Variants in PHTF2 observed in about 807,000 individuals in gnomAD.
The protein encoded by PHTF2 is putative homeodomain transcription factor 2, also known as protein PHTF2.
PHTF2 carries 60 observed loss-of-function variants against 101.2 expected under a neutral mutation model. That is an observed-to-expected ratio of 0.59 (90% CI 0.48 to 0.73). The LOEUF (loss-of-function observed/expected upper bound fraction) is 0.73. Ranked by LOEUF, PHTF2 falls within the 30% of genes least tolerant of loss-of-function variation. PHTF2 has a pLI of 0.00. For synonymous variants in PHTF2, 311 were observed against 307.3 expected (o/e 1.01, Z -0.13); for missense variants, 747 against 908.7 (o/e 0.82, Z 2.29).
At chr7:77,893,395 T>A in intron 3 of PHTF2, among the ~76,000 whole-genome samples, 1 of 152,146 alleles carries the variant, frequency 6.6e-6, no homozygotes, top group Non-Finnish European at 1.5e-5. Flanking sequence ...AGTTTGCATT[T>A]CTAACAAATT....
Position 77,840,303 on chromosome 7 carries a change from A to G in PHTF2, c.45+3A>G. 1 of 1,590,426 alleles carries G rather than the reference A, an allele frequency of 6.3e-7. No homozygotes were observed. Among genetic ancestry groups the G allele is most frequent in the Non-Finnish European group, 8.6e-7 (1 of 1,159,314 alleles). Reference sequence around the variant, plus strand: ...CTATAGTCTGGTATCAAAAGAAGGTAAGTTGATAGTCAAAACTTTTAGCTT... The same window carrying G: ...CTATAGTCTGGTATCAAAAGAAGGTGAGTTGATAGTCAAAACTTTTAGCTT... On this transcript the variant is annotated splice_donor_region_variant and intron_variant, in intron 2 of 19. Transcript: ENST00000416283.
At chr7:77,902,264 G>A (rs1054810017) in intron 7 of PHTF2, among the ~76,000 whole-genome samples, 1 of 151,970 alleles carries the variant, frequency 6.6e-6, no homozygotes, top group African/African-American at 2.4e-5. Flanking sequence ...CCTGCCATAG[G>A]TATAGTTTCT....
chr7:77,934,778 C>T (rs976503272), intron 12 of PHTF2, among the ~76,000 whole-genome samples: 5 of 151,980 alleles, frequency 3.3e-5, no homozygotes, highest in African/African-American at 1.2e-4. Flanking sequence ...GAAACTCCAT[C>T]TCTATTAAAA....
intron 8 of PHTF2, 76 bp downstream of exon 7, chr7:77,909,034 C>A: frequency 2.3e-6 from 2 of 865,174 alleles, no homozygotes; most frequent in Non-Finnish European, 3.4e-6. Context: ...CTCCTCTTAC[C>A]TTCATAGACT....
chr7:77,849,234 C>T (rs1449763279), intron 2 of PHTF2, among the ~76,000 whole-genome samples: 1 of 152,006 alleles, frequency 6.6e-6, no homozygotes, highest in Non-Finnish European at 1.5e-5. Context: ...AGTGATTCTC[C>T]TGCCTCAGCC....
chr7:77,819,895 T>C (rs1243598892), intron 1 of PHTF2, among the ~76,000 whole-genome samples: 1 of 152,194 alleles, frequency 6.6e-6, no homozygotes, highest in Admixed American at 6.5e-5. Context: ...CTTTTTGTTT[T>C]GTTTTGTTTT....
intron 1 of PHTF2, among the ~76,000 whole-genome samples, chr7:77,832,155 A>G (rs867854558): frequency 2.6e-5 from 4 of 152,142 alleles, no homozygotes; most frequent in Admixed American, 1.3e-4. Context: ...TCAGCTTGTC[A>G]CTTCAGGGGA....
chr7:77,829,966 G>A (rs1794956747), intron 1 of PHTF2, among the ~76,000 whole-genome samples: 2 of 152,162 alleles, frequency 1.3e-5, no homozygotes, highest in African/African-American at 4.8e-5. Flanking sequence ...CATGTTGGGG[G>A]AGTACAGGAG....
chr7:77,927,147 G>A (rs1461079245), intron 11 of PHTF2, among the ~76,000 whole-genome samples: 1 of 95,170 alleles, frequency 1.1e-5, no homozygotes, highest in African/African-American at 4.0e-5. Flanking sequence ...GACAGAGTGA[G>A]ACTCCATCTC....
intron 3 of PHTF2, among the ~76,000 whole-genome samples, chr7:77,855,454 G>A (rs1797099827): frequency 6.6e-6 from 1 of 152,176 alleles, no homozygotes; most frequent in African/African-American, 2.4e-5. Context: ...GAGAAGGAGT[G>A]GTGCAAGCAT....
intron 3 of PHTF2, among the ~76,000 whole-genome samples, chr7:77,888,115 T>A (rs971405604): frequency 6.6e-6 from 1 of 152,170 alleles, no homozygotes; most frequent in Non-Finnish European, 1.5e-5. Flanking sequence ...TTTCAAAATG[T>A]TAGGTACTTT....
At chr7:77,951,298 T>TA (rs1361087802) in intron 17 of PHTF2, among the ~76,000 whole-genome samples, 1 of 152,152 alleles carries the variant, frequency 6.6e-6, no homozygotes, top group East Asian at 1.9e-4. Flanking sequence ...AAAGAAAAAT[T>TA]ATAAACTATT....
intron 1 of PHTF2, among the ~76,000 whole-genome samples, chr7:77,807,346 C>T (rs974600922): frequency 6.6e-6 from 1 of 151,770 alleles, no homozygotes; most frequent in Admixed American, 6.6e-5. Flanking sequence ...CCAGTTGTTC[C>T]ACATCTTCAT....
intron 3 of PHTF2, among the ~76,000 whole-genome samples, chr7:77,862,988 A>G (rs1351769935): frequency 6.6e-6 from 1 of 152,192 alleles, no homozygotes; most frequent in Non-Finnish European, 1.5e-5. Context: ...CTAATGGACC[A>G]TAGAGTTTAT....
intron 2 of PHTF2, among the ~76,000 whole-genome samples, chr7:77,840,555 C>T (rs1795788148): frequency 6.6e-6 from 1 of 152,044 alleles, no homozygotes; most frequent in Non-Finnish European, 1.5e-5. Flanking sequence ...ATAAAATTAG[C>T]ATTTTATAAA....
intron 3 of PHTF2, among the ~76,000 whole-genome samples, chr7:77,861,439 C>T (rs1338521576): frequency 6.6e-6 from 1 of 151,908 alleles, no homozygotes; most frequent in Non-Finnish European, 1.5e-5. Context: ...ATCAAATTTT[C>T]TTTTACTTTT....
At chr7:77,844,649 C>A (rs1796136410) in intron 2 of PHTF2, among the ~76,000 whole-genome samples, 1 of 152,150 alleles carries the variant, frequency 6.6e-6, no homozygotes, top group African/African-American at 2.4e-5. Context: ...CTCAGCCTCC[C>A]CAGTAGCTGG....
intron 3 of PHTF2, among the ~76,000 whole-genome samples, chr7:77,891,665 C>T (rs1800426812): frequency 6.6e-6 from 1 of 152,074 alleles, no homozygotes; most frequent in Non-Finnish European, 1.5e-5. Flanking sequence ...TGGCTCACTG[C>T]AGCCTCAACC....
At chr7:77,859,695 C>A (rs555276190) in intron 3 of PHTF2, among the ~76,000 whole-genome samples, 2 of 151,936 alleles carry the variant, frequency 1.3e-5, no homozygotes, top group Non-Finnish European at 2.9e-5. Context: ...TCTGGAGTAG[C>A]TGAGGCTATG....
Sources: gnomAD v4.1 joint callset for allele counts (sites outside exome capture counted in the v4.1 genomes callset) on GRCh38, gnomAD v4.1.1 for gene constraint, MANE v1.5 for transcripts, NCBI Gene and HGNC (gene_info 2026-07-23, HGNC 2026-07-21) for gene names.